Variants in ZNF529 observed in about 807,000 individuals in gnomAD.
ZNF529 encodes the protein zinc finger protein 529.
A neutral mutation model predicts 10.1 loss-of-function variants in ZNF529; 11 were observed. The observed-to-expected ratio is 1.09, with a 90% CI of 0.69 to 1.81. The LOEUF (loss-of-function observed/expected upper bound fraction) is 1.81, where lower values mean the gene tolerates loss of function less well. ZNF529 is among the 40% of genes most tolerant of loss of function. The pLI is 0.00. For missense variants in ZNF529, 624 were observed against 666.8 expected (o/e 0.94, Z 0.71); for synonymous variants, 204 against 215.7 (o/e 0.95, Z 0.47).
chr19:36,573,190 C>G lies in ZNF529; in HGVS notation c.-97G>C, dbSNP rs1396248932. The G allele has an allele frequency of 3.1e-6, 1 of 325,516 alleles. No homozygotes were observed. Among genetic ancestry groups the G allele is most frequent in the Non-Finnish European group, 6.2e-6 (1 of 160,756 alleles). The allele number at this position is 325,516 out of a possible 1,614,324, so 20.2% of individuals were successfully genotyped here. A position where few individuals can be genotyped will look rare whatever the true frequency, so the allele number is the denominator to read the frequency against. On this transcript the variant is annotated 5_prime_UTR_variant, in exon 1 of 5. Transcript: ENST00000591340. Reference sequence around the variant, plus strand: ...CAGAGGCCTCAGGCTCCCGGCTCCACGTGGACCGACCTCGCCCGGCAGCGC... The same window carrying G: ...CAGAGGCCTCAGGCTCCCGGCTCCAGGTGGACCGACCTCGCCCGGCAGCGC...
chr19:36,592,996 T>A (rs868104317), intron 1 of ZNF529, among the ~76,000 whole-genome samples: 18 of 152,116 alleles, frequency 1.2e-4, no homozygotes, highest in Non-Finnish European at 2.5e-4. Context: ...AATATAGTGA[T>A]GAAATATTAA....
intron 2 of ZNF529, among the ~76,000 whole-genome samples, chr19:36,568,975 G>A (rs1246681323): frequency 6.6e-6 from 1 of 152,182 alleles, no homozygotes; most frequent in Non-Finnish European, 1.5e-5. Flanking sequence ...TGGAGCAAAC[G>A]ATTACAGGTG....
intron 4 of ZNF529, among the ~76,000 whole-genome samples, chr19:36,550,809 T>A (rs894009443): frequency 6.6e-6 from 1 of 152,144 alleles, no homozygotes; most frequent in Non-Finnish European, 1.5e-5. Flanking sequence ...ATACACAAAA[T>A]GTTATTAAGA....
rs1276279974 is a variant in ZNF529 at position 36,546,317 on chromosome 19, T to C, written c.*549A>G. The C allele has an allele frequency of 1.3e-5, 2 of 151,752 alleles. No individual in the cohort carries two copies. The highest frequency in any genetic ancestry group is 4.9e-5 in the African/African-American group (2 of 41,142). The allele number at this position is 151,752 out of a possible 1,614,324, so 9.4% of individuals were successfully genotyped here. A position where few individuals can be genotyped will look rare whatever the true frequency, so the allele number is the denominator to read the frequency against. On this transcript the variant is annotated 3_prime_UTR_variant, in exon 5 of 5. Coordinates refer to ENST00000591340, the MANE Select transcript of ZNF529 (RefSeq NM_020951.5). ...GTTTTTTTGGGGGGAATATGTTGTATCAAAATAAAGTAGAAATTTAAAGAG... is the reference window on the plus strand; with the variant it reads ...GTTTTTTTGGGGGGAATATGTTGTACCAAAATAAAGTAGAAATTTAAAGAG...
At chr19:36,553,190 AT>A (rs2035329526) in intron 4 of ZNF529, among the ~76,000 whole-genome samples, 2 of 152,114 alleles carry the variant, frequency 1.3e-5, no homozygotes, top group South Asian at 4.1e-4. Flanking sequence ...CAGTGGCGCA[AT>A]CTTGGCTCAC....
upstream of ZNF529, chr19:36,573,485 C>T (rs1273436447): frequency 2.1e-6 from 1 of 470,888 alleles, no homozygotes; most frequent in African/African-American, 2.0e-5. Flanking sequence ...CTGCGCGTCC[C>T]CTAGGCGCGG....
At chr19:36,564,202 A>G (rs929134513) in intron 2 of ZNF529, among the ~76,000 whole-genome samples, 5 of 152,228 alleles carry the variant, frequency 3.3e-5, no homozygotes, top group South Asian at 2.1e-4. Context: ...GCCTTGACAA[A>G]TAATTTGTGA....
chr19:36,577,439 TC>T (rs1375903502), upstream of ZNF529: 1 of 190,928 alleles, frequency 5.2e-6, no homozygotes. Context: ...ATTCTAGTGG[TC>T]ACCAGAGGAA....
chr19:36,544,237 A>AT lies in ZNF529; in HGVS notation c.*2628dup, dbSNP rs1269299486. 1.3e-5 allele frequency: 2 copies of AT among 152,228 alleles called. No individual in the cohort carries two copies. Among genetic ancestry groups the AT allele is most frequent in the Non-Finnish European group, 2.9e-5 (2 of 68,036 alleles). 9.4% of individuals were successfully genotyped at this position (152,228 alleles called of 1,614,324 possible). A position where few individuals can be genotyped will look rare whatever the true frequency, so the allele number is the denominator to read the frequency against. ...TGGTTTCGAGTAAGTGTGAAATGCC[A>AT]TAAGTTCATTACGAAGTTAAGTGAA... On this transcript the variant is annotated 3_prime_UTR_variant, in exon 5 of 5. Transcript: ENST00000591340.
chr19:36,577,043 C>G (rs2036339657), upstream of ZNF529: 1 of 359,452 alleles, frequency 2.8e-6, no homozygotes, highest in Non-Finnish European at 5.7e-6. Flanking sequence ...GCCTCGACCT[C>G]TTAGGCTCAA....
chr19:36,559,150 A>G (rs1473946527), intron 2 of ZNF529, among the ~76,000 whole-genome samples: 1 of 152,222 alleles, frequency 6.6e-6, no homozygotes. Flanking sequence ...TGACAAGGAT[A>G]TGGAAAAAAG....
chr19:36,550,982 A>C (rs1403374285), intron 4 of ZNF529, among the ~76,000 whole-genome samples: 1 of 152,206 alleles, frequency 6.6e-6, no homozygotes, highest in Non-Finnish European at 1.5e-5. Flanking sequence ...CATAACCATG[A>C]CTTATTGTCC....
chr19:36,568,095 A>G (rs544722765), intron 2 of ZNF529, among the ~76,000 whole-genome samples: 2 of 152,328 alleles, frequency 1.3e-5, no homozygotes, highest in East Asian at 3.9e-4. Context: ...TAGGAAAATA[A>G]TAACAGAACC....
chr19:36,554,538 A>C, intron 4 of ZNF529, 132 bp downstream of exon 4: 1 of 682,334 alleles, frequency 1.5e-6, no homozygotes, highest in Non-Finnish European at 2.1e-6. Context: ...AGATCATGTC[A>C]CTGCACTCCA....
Position 36,546,739 on chromosome 19 carries a change from A to G in ZNF529, c.*127T>C. 2 of 974,320 alleles carry G rather than the reference A, an allele frequency of 2.1e-6. No homozygotes were observed. Among genetic ancestry groups the G allele is most frequent in the Non-Finnish European group, 3.0e-6 (2 of 666,406 alleles). The allele number at this position is 974,320 out of a possible 1,614,324, so 60.4% of individuals were successfully genotyped here. Reference sequence around the variant, plus strand: ...AAGCAATTCTACGTCTACATACAGAATGACCATGAAGTCTAAAAACAGACT... The same window carrying G: ...AAGCAATTCTACGTCTACATACAGAGTGACCATGAAGTCTAAAAACAGACT... On this transcript the variant is annotated 3_prime_UTR_variant, in exon 5 of 5. Coordinates refer to ENST00000591340, the MANE Select transcript of ZNF529 (RefSeq NM_020951.5).
chr19:36,566,063 C>T (rs2035886120), intron 2 of ZNF529, among the ~76,000 whole-genome samples: 1 of 152,188 alleles, frequency 6.6e-6, no homozygotes, highest in Non-Finnish European at 1.5e-5. Context: ...TAAACCCTGC[C>T]TATTCCAAAG....
Position 36,544,770 on chromosome 19 carries a change from T to C in ZNF529, c.*2096A>G, listed in dbSNP as rs2034949539. Reference sequence around the variant, plus strand: ...GAATAAGCAATACTTACATAAAACATAGCTCAATATATCAGATGAGAAAAT... The same window carrying C: ...GAATAAGCAATACTTACATAAAACACAGCTCAATATATCAGATGAGAAAAT... On this transcript the variant is annotated 3_prime_UTR_variant, in exon 5 of 5. Transcript: ENST00000591340. The C allele has an allele frequency of 6.6e-6, 1 of 152,184 alleles. No individual in the cohort carries two copies. The highest frequency in any genetic ancestry group is 6.6e-5 in the Admixed American group (1 of 15,266). The allele number at this position is 152,184 out of a possible 1,614,324, so 9.4% of individuals were successfully genotyped here.
Position 36,544,100 on chromosome 19 carries a change from AAGTC to A in ZNF529, c.*2762_*2765del, listed in dbSNP as rs2034930367. ...AAAGCTCCTATGCAGGCTTAGAGAA[AAGTC>A]AGAAAGAATAAAGGGGCAAATGAAA... On this transcript the variant is annotated 3_prime_UTR_variant, in exon 5 of 5. Coordinates refer to ENST00000591340, the MANE Select transcript of ZNF529 (RefSeq NM_020951.5). The A allele has an allele frequency of 6.6e-6, 1 of 152,162 alleles. No individual in the cohort carries two copies. The allele number at this position is 152,162 out of a possible 1,614,324, so 9.4% of individuals were successfully genotyped here.
upstream of ZNF529, among the ~76,000 whole-genome samples, chr19:36,574,227 C>T (rs2036255394): frequency 6.6e-6 from 1 of 152,094 alleles, no homozygotes; most frequent in Non-Finnish European, 1.5e-5. Context: ...TGATTCCCTC[C>T]GGAAAGGCGG....
Sources: gnomAD v4.1 joint callset for allele counts (sites outside exome capture counted in the v4.1 genomes callset) on GRCh38, gnomAD v4.1.1 for gene constraint, MANE v1.5 for transcripts, NCBI Gene and HGNC (gene_info 2026-07-23, HGNC 2026-07-21) for gene names.